The following AFF4 variants were observed in gnomAD, a reference collection of about 807,000 sequenced individuals.
AFF4 encodes ALF transcription elongation factor 4.
Under a neutral mutation model 124.8 loss-of-function variants are expected in AFF4, and 13 were observed. The ratio of observed to expected loss-of-function variants is 0.10; its 90% CI spans 0.07 to 0.17. The LOEUF (loss-of-function observed/expected upper bound fraction) is 0.17, where lower values mean the gene tolerates loss of function less well. Among genes scored for constraint, AFF4 ranks in the 10% least tolerant of loss-of-function variants. The pLI is 1.00. For synonymous variants in AFF4, 477 were observed against 496.1 expected (o/e 0.96, Z 0.51); for missense variants, 1,092 against 1,403.8 (o/e 0.78, Z 3.55).
Position 132,896,350 on chromosome 5 carries a change from A to T in AFF4, c.2280T>A (p.Val760=). 2 of 1,596,750 alleles carry T rather than the reference A, an allele frequency of 1.3e-6. No homozygotes were observed. Among genetic ancestry groups the T allele is most frequent in the Non-Finnish European group, 1.7e-6 (2 of 1,175,680 alleles). ...REAQKQASEK[V]SNKGKRKHKN... is the part of the protein sequence containing the mutation. ...TATGCTTCCTCTTGCCTTTGTTGGA[A>T]ACTTTTTCTGAGGCTTGTTTCTGAG... Residue 760 remains valine (V), a synonymous_variant, in exon 11 of 21, where the codon GTT becomes GTA. Transcript: ENST00000265343.
chr5:132,893,210 G>A, intron 11 of AFF4, 92 bp from the exon 12 acceptor site: 1 of 994,130 alleles, frequency 1.0e-6, no homozygotes, highest in African/African-American at 1.6e-5. Flanking sequence ...TCCATGATTA[G>A]GCATCAGAAA....
intron 1 of AFF4, among the ~76,000 whole-genome samples, chr5:132,938,315 G>A (rs1761480887): frequency 1.3e-5 from 2 of 151,210 alleles, no homozygotes; most frequent in South Asian, 2.1e-4. Context: ...ATCCAGGCTG[G>A]AGTGCGGTGG....
At chr5:132,899,705 A>AAT (rs892312108) in intron 7 of AFF4, 64 bp from the exon 8 acceptor site, 69 of 1,393,626 alleles carry the variant, frequency 5.0e-5, no homozygotes, top group Non-Finnish European at 6.0e-5. Context: ...CAGAGTACTA[A>AAT]ATATCTACTA....
intron 2 of AFF4, among the ~76,000 whole-genome samples, chr5:132,936,038 C>T (rs1452807649): frequency 6.6e-6 from 1 of 151,620 alleles, no homozygotes; most frequent in Non-Finnish European, 1.5e-5. Context: ...GAGGCTGAGG[C>T]GGGCGGATCA....
chr5:132,902,533 G>A, intron 6 of AFF4, 46 bp from the exon 7 acceptor site: 1 of 1,383,848 alleles, frequency 7.2e-7, no homozygotes, highest in Non-Finnish European at 1.0e-6. Context: ...TGGCTATTTA[G>A]ACTGTAAAAT....
chr5:132,902,458 C>G lies in AFF4; in HGVS notation c.1117G>C (p.Gly373Arg). ...KRYNPSKTSN[G>R]HQSKSMLKDD... ...TAAACTTACGATTTAGACTGGTGCC[C>G]ATTTGAAGTTTTAGAAGGATTATAT... is the stretch of plus-strand genomic sequence containing the variant. Residue 373 changes from glycine (G) to arginine (R), a missense_variant, in exon 7 of 21, where the codon GGG (glycine) becomes CGG (arginine). Physicochemically the swap from Gly to Arg is moderately radical, Grantham distance 125 (BLOSUM62 -2). This residue lies in a region of AFF4 where 148 missense variants were observed against 196.3 expected (regional missense o/e 0.75). Coordinates refer to ENST00000265343, the MANE Select transcript of AFF4 (RefSeq NM_014423.4). 1 of 1,609,184 alleles carries G rather than the reference C, an allele frequency of 6.2e-7. No homozygotes were observed. Among genetic ancestry groups the G allele is most frequent in the Non-Finnish European group, 8.5e-7 (1 of 1,175,844 alleles).
rs554369321 is a variant in AFF4 at position 132,892,294 on chromosome 5, C to T, written c.2507G>A (p.Ser836Asn). The part of the protein sequence containing the change: ...TEHGSRKRTI[S>N]QSSSLKSSSN... Reference sequence around the variant, plus strand: ...GCTTGACTTTAAGGAAGAAGACTGACTAATAGTCCTCTTCCGAGAGCCATG... The same window carrying T: ...GCTTGACTTTAAGGAAGAAGACTGATTAATAGTCCTCTTCCGAGAGCCATG... The change falls in exon 13 of 21, where the codon AGT (serine) becomes AAT (asparagine). Residue 836 changes from serine (S) to asparagine (N), a missense_variant. By Grantham distance (46) the Ser-to-Asn change is conservative. Around this residue, in one of 11 missense-constraint regions of AFF4, gnomAD observed 293 missense variants for 280.2 expected, o/e 1.05. Coordinates refer to ENST00000265343, the MANE Select transcript of AFF4 (RefSeq NM_014423.4). 7 of 1,614,138 alleles carry T rather than the reference C, an allele frequency of 4.3e-6. No homozygotes were observed. Among genetic ancestry groups the T allele is most frequent in the Non-Finnish European group, 5.9e-6 (7 of 1,180,024 alleles).
chr5:132,961,753 A>C (rs1315360779), intron 1 of AFF4, among the ~76,000 whole-genome samples: 2 of 152,178 alleles, frequency 1.3e-5, no homozygotes, highest in Non-Finnish European at 1.5e-5. Context: ...TCCCCACTTG[A>C]AGCAAAATTT....
At chr5:132,961,965 A>G (rs955247528) in intron 1 of AFF4, among the ~76,000 whole-genome samples, 2 of 152,226 alleles carry the variant, frequency 1.3e-5, no homozygotes, top group African/African-American at 4.8e-5. Context: ...GAGCTGAAAG[A>G]TGCAGTGATA....
Position 132,963,400 on chromosome 5 carries a change from G to C in AFF4, c.-146C>G. ...CCAAGGGCGAGGGGCTCCGGGAGGC[G>C]GCGGGGGTTCCGGAGGCCTCGACAA... On this transcript the variant is annotated 5_prime_UTR_variant, in exon 1 of 21. Transcript: ENST00000265343. 2.5e-6 allele frequency: 1 copy of C among 398,220 alleles called. No individual in the cohort carries two copies. Among genetic ancestry groups the C allele is most frequent in the Non-Finnish European group, 4.4e-6 (1 of 225,766 alleles). 24.7% of individuals were successfully genotyped at this position (398,220 alleles called of 1,614,324 possible). A position where few individuals can be genotyped will look rare whatever the true frequency, so the allele number is the denominator to read the frequency against.
chr5:132,935,915 T>C (rs1761417366), intron 2 of AFF4, among the ~76,000 whole-genome samples: 1 of 150,222 alleles, frequency 6.7e-6, no homozygotes, highest in South Asian at 2.1e-4. Context: ...AGAACAAGAT[T>C]CCTTCTCATA....
At chr5:132,932,526 A>C (rs376668532) in intron 3 of AFF4, among the ~76,000 whole-genome samples, 5 of 152,228 alleles carry the variant, frequency 3.3e-5, no homozygotes, top group African/African-American at 1.2e-4. Context: ...TTGTCTAAAA[A>C]TTTAATCTTA....
At chr5:132,949,209 C>CTTTTTT (rs368713051) in intron 1 of AFF4, among the ~76,000 whole-genome samples, 1 of 112,232 alleles carries the variant, frequency 8.9e-6, no homozygotes, top group Non-Finnish European at 1.8e-5. Flanking sequence ...TTATTTCTGC[C>CTTTTTT]TTTTTTTTTT....
chr5:132,961,568 C>A (rs1762083076), intron 1 of AFF4, among the ~76,000 whole-genome samples: 1 of 152,102 alleles, frequency 6.6e-6, no homozygotes, highest in Non-Finnish European at 1.5e-5. Flanking sequence ...CTCAAGAGTA[C>A]ACAGAAGAGA....
intron 3 of AFF4, among the ~76,000 whole-genome samples, chr5:132,933,814 T>A (rs1182023043): frequency 1.3e-5 from 2 of 152,350 alleles, no homozygotes; most frequent in Admixed American, 1.3e-4. Flanking sequence ...ATTTTGTTTT[T>A]AAACAACAAC....
At chr5:132,883,308 A>T (rs1561477831) in intron 20 of AFF4, 32 bp downstream of exon 20, 1 of 1,591,838 alleles carries the variant, frequency 6.3e-7, no homozygotes, top group South Asian at 1.1e-5. Flanking sequence ...TAACAATTCC[A>T]TCCCTTGAAG....
At chr5:132,923,367 GAAAGGA>G (rs1318780734) in intron 5 of AFF4, among the ~76,000 whole-genome samples, 1 of 56,046 alleles carries the variant, frequency 1.8e-5, no homozygotes, top group Non-Finnish European at 3.2e-5. Flanking sequence ...AGAAAGGAAA[GAAAGGA>G]GAGAGAGAGA....
intron 4 of AFF4, among the ~76,000 whole-genome samples, chr5:132,931,106 C>CAAAAA (rs35923089): frequency 2.1e-5 from 2 of 96,838 alleles, no homozygotes; most frequent in African/African-American, 4.2e-5. Context: ...AACTCTGGCT[C>CAAAAA]AAAAAAAAAA....
intron 5 of AFF4, among the ~76,000 whole-genome samples, chr5:132,908,374 C>T (rs1760716395): frequency 6.6e-6 from 1 of 152,014 alleles, no homozygotes; most frequent in Admixed American, 6.5e-5. Flanking sequence ...TATCTGGTTT[C>T]ACTGGATGCC....
Sources: allele counts gnomAD v4.1 joint callset (sites outside exome capture counted in the v4.1 genomes callset), GRCh38; gene constraint gnomAD v4.1.1; regional missense constraint gnomAD v4.1.1; transcripts MANE v1.5; gene names NCBI Gene and HGNC (gene_info 2026-07-23, HGNC 2026-07-21).